SNX18: variants seen among roughly 807,000 people sequenced by gnomAD.
SNX18 encodes the protein sorting nexin-18.
Under a neutral mutation model 48.7 loss-of-function variants are expected in SNX18, and 35 were observed. That is an observed-to-expected ratio of 0.72 (90% CI 0.55 to 0.95). SNX18 has a LOEUF of 0.95. Among genes scored for constraint, SNX18 ranks in the 40% least tolerant of loss-of-function variants. SNX18 has a pLI of 0.00. For missense variants in SNX18, 824 were observed against 871.0 expected (o/e 0.95, Z 0.68); for synonymous variants, 492 against 384.7 (o/e 1.28, Z -3.26).
chr5:54,563,113 TA>T, the SNX18 span, among the ~76,000 whole-genome samples: 10 of 152,154 alleles, frequency 6.6e-5, no homozygotes, highest in Non-Finnish European at 1.3e-4. Context: ...TTCAAAAAGC[TA>T]AAAAAAGTTT....
the SNX18 span, among the ~76,000 whole-genome samples, chr5:54,617,718 C>T: frequency 7.9e-5 from 12 of 152,102 alleles, no homozygotes; most frequent in Admixed American, 6.6e-4. Flanking sequence ...CTTTTTTCCC[C>T]TCTCTCTTTT....
chr5:54,557,970 G>A, the SNX18 span, among the ~76,000 whole-genome samples: 3 of 152,222 alleles, frequency 2.0e-5, no homozygotes, highest in Admixed American at 6.5e-5. Context: ...CTGGGCTCAG[G>A]CAATCCTCCT....
chr5:54,646,905 C>T, the SNX18 span, among the ~76,000 whole-genome samples: 1 of 152,166 alleles, frequency 6.6e-6, no homozygotes, highest in African/African-American at 2.4e-5. Flanking sequence ...GTGAGCCCTC[C>T]CAGCTGTGCT....
the SNX18 span, among the ~76,000 whole-genome samples, chr5:54,553,699 A>G: frequency 6.6e-6 from 1 of 152,108 alleles, no homozygotes; most frequent in Non-Finnish European, 1.5e-5. Flanking sequence ...CTGCCTTCTA[A>G]GTTTCTGGGT....
Position 54,519,089 on chromosome 5 carries a change from G to C in SNX18, c.1137G>C (p.Leu379=). 1 of 1,614,020 alleles carries C rather than the reference G, an allele frequency of 6.2e-7. No homozygotes were observed. Among genetic ancestry groups the C allele is most frequent in the South Asian group, 1.1e-5 (1 of 91,082 alleles). ...LAQCDVFQHF[L]TCPSSTDEKA... ...AGTGCGACGTCTTCCAGCACTTCCT[G>C]ACGTGCCCCAGCAGCACCGACGAGA... The change falls in exon 1 of 2, where the codon CTG becomes CTC. Residue 379 remains leucine, a synonymous_variant. Transcript: ENST00000381410.
chr5:54,525,602 T>A (rs1349131484), intron 1 of SNX18, among the ~76,000 whole-genome samples: 2 of 152,070 alleles, frequency 1.3e-5, no homozygotes, highest in Non-Finnish European at 2.9e-5. Context: ...GAGTCAATCG[T>A]TTGTTGTTGT....
chr5:54,637,216 GAGA>G, the SNX18 span, among the ~76,000 whole-genome samples: 1 of 152,130 alleles, frequency 6.6e-6, no homozygotes, highest in Non-Finnish European at 1.5e-5. Context: ...TCAGAATGGA[GAGA>G]AGAATTTTGC....
the SNX18 span, chr5:54,645,096 C>T: frequency 6.6e-6 from 1 of 152,170 alleles, no homozygotes; most frequent in Non-Finnish European, 1.5e-5. Flanking sequence ...GTTAGTTTCT[C>T]TGTTTATGAA....
chr5:54,536,321 G>A (rs527672525), intron 1 of SNX18, among the ~76,000 whole-genome samples: 85 of 152,092 alleles, frequency 5.6e-4, no homozygotes, highest in African/African-American at 2.0e-3. Flanking sequence ...ATGTTGGTGT[G>A]CTGCACCCAT....
chr5:54,633,440 A>G, the SNX18 span, among the ~76,000 whole-genome samples: 2 of 152,172 alleles, frequency 1.3e-5, no homozygotes, highest in East Asian at 3.9e-4. Flanking sequence ...AGCTGGAACT[A>G]AAAGTGTGCC....
the SNX18 span, among the ~76,000 whole-genome samples, chr5:54,583,649 A>G: frequency 6.6e-5 from 10 of 152,244 alleles, no homozygotes; most frequent in Non-Finnish European, 1.2e-4. Context: ...ATGAAGATCA[A>G]AATAGTACCT....
the SNX18 span, among the ~76,000 whole-genome samples, chr5:54,623,431 T>G: frequency 3.4e-4 from 51 of 152,052 alleles, no homozygotes; most frequent in African/African-American, 1.2e-3. Context: ...AGCACTTCAG[T>G]GTGGGGACTG....
chr5:54,559,377 T>A, the SNX18 span, among the ~76,000 whole-genome samples: 1 of 152,054 alleles, frequency 6.6e-6, no homozygotes, highest in African/African-American at 2.4e-5. Context: ...AAAACAAATA[T>A]ATAGACCAAT....
At chr5:54,533,883 T>C (rs942401242) in intron 1 of SNX18, among the ~76,000 whole-genome samples, 1 of 151,728 alleles carries the variant, frequency 6.6e-6, no homozygotes, top group African/African-American at 2.4e-5. Flanking sequence ...AACAAGTAGG[T>C]GGAGACCAAC....
At chr5:54,595,637 C>T in the SNX18 span, among the ~76,000 whole-genome samples, 86 of 152,352 alleles carry the variant, frequency 5.6e-4, no homozygotes, top group Non-Finnish European at 1.0e-3. Context: ...TCTGCAGCCT[C>T]ACCAGCACCT....
chr5:54,632,424 C>T, the SNX18 span, among the ~76,000 whole-genome samples: 2 of 152,222 alleles, frequency 1.3e-5, no homozygotes, highest in East Asian at 1.9e-4. Flanking sequence ...GGAAACTGGG[C>T]CTTGCAAACA....
chr5:54,638,432 T>C, the SNX18 span, among the ~76,000 whole-genome samples: 2 of 152,240 alleles, frequency 1.3e-5, no homozygotes, highest in Non-Finnish European at 1.5e-5. Context: ...ATCTATAAAA[T>C]GGATGTCACA....
the SNX18 span, among the ~76,000 whole-genome samples, chr5:54,601,776 C>G: frequency 6.6e-6 from 1 of 152,124 alleles, no homozygotes; most frequent in Non-Finnish European, 1.5e-5. Context: ...CTCACTGTTG[C>G]ATCACGTGAA....
At chr5:54,566,939 A>T in the SNX18 span, among the ~76,000 whole-genome samples, 1 of 152,186 alleles carries the variant, frequency 6.6e-6, no homozygotes, top group Non-Finnish European at 1.5e-5. Context: ...AAGTCTCACC[A>T]TTGGGCCTTA....
Sources: gnomAD v4.1 joint callset for allele counts (sites outside exome capture counted in the v4.1 genomes callset) on GRCh38, gnomAD v4.1.1 for gene constraint, MANE v1.5 for transcripts, NCBI Gene and HGNC (gene_info 2026-07-23, HGNC 2026-07-21) for gene names.